CCDC91: variants seen among roughly 807,000 people sequenced by gnomAD.
CCDC91 encodes coiled-coil domain-containing protein 91.
Under a neutral mutation model 63.2 loss-of-function variants are expected in CCDC91, and 48 were observed. The observed-to-expected ratio is 0.76, with a 90% CI of 0.60 to 0.97. The LOEUF (loss-of-function observed/expected upper bound fraction) is 0.97. CCDC91 is among the 50% of genes least tolerant of loss of function. The probability of loss-of-function intolerance (pLI) is 0.00; values close to 1 mark genes in which losing one functional copy is unlikely to be tolerated. For synonymous variants in CCDC91, 167 were observed against 165.8 expected (o/e 1.01, Z -0.06); for missense variants, 500 against 494.6 (o/e 1.01, Z -0.10).
intron 6 of CCDC91, among the ~76,000 whole-genome samples, chr12:28,345,355 GCTT>G (rs1332577208): frequency 1.3e-5 from 2 of 151,976 alleles, no homozygotes; most frequent in African/African-American, 4.8e-5. Context: ...AGTAAGAGCT[GCTT>G]CTTAATAATC....
intron 3 of CCDC91, among the ~76,000 whole-genome samples, chr12:28,289,672 G>GTTCTT (rs1565739615): frequency 3.0e-5 from 4 of 131,546 alleles, no homozygotes; most frequent in African/African-American, 8.5e-5. Flanking sequence ...GGGGTGGAGA[G>GTTCTT]TTCTTTTCTT....
intron 6 of CCDC91, among the ~76,000 whole-genome samples, chr12:28,322,041 T>TC (rs1940557210): frequency 1.3e-5 from 2 of 151,812 alleles, no homozygotes; most frequent in Non-Finnish European, 2.9e-5. Flanking sequence ...ATACAAGCAT[T>TC]AGAAATGTTT....
intron 3 of CCDC91, among the ~76,000 whole-genome samples, chr12:28,304,387 AAAAAAAAAAAAAAAG>A (rs1938445581): frequency 2.9e-5 from 1 of 34,498 alleles, no homozygotes; most frequent in African/African-American, 7.1e-5. Context: ...AAAAAAAAAA[AAAAAAAAAAAAAAAG>A]AAAAAAAAAA....
intron 7 of CCDC91, among the ~76,000 whole-genome samples, chr12:28,370,601 C>A (rs758905019): frequency 6.6e-6 from 1 of 152,172 alleles, no homozygotes; most frequent in Non-Finnish European, 1.5e-5. Context: ...CAATTTGCTT[C>A]CACATTTTTA....
intron 7 of CCDC91, among the ~76,000 whole-genome samples, chr12:28,380,876 A>G (rs1366808900): frequency 6.6e-6 from 1 of 152,106 alleles, no homozygotes; most frequent in Non-Finnish European, 1.5e-5. Flanking sequence ...AGCACTACCT[A>G]ATTATACTGC....
chr12:28,267,299 T>C (rs1000307956), intron 3 of CCDC91, among the ~76,000 whole-genome samples: 1 of 151,846 alleles, frequency 6.6e-6, no homozygotes. Flanking sequence ...TTGCTTTTTT[T>C]TCCACAATAA....
chr12:28,514,590 A>G (rs1238004256), intron 12 of CCDC91, among the ~76,000 whole-genome samples: 1 of 151,876 alleles, frequency 6.6e-6, no homozygotes, highest in African/African-American at 2.4e-5. Flanking sequence ...GGTATTGCCT[A>G]GGTTATCTTC....
At chr12:28,398,452 T>A (rs1195050377) in intron 8 of CCDC91, among the ~76,000 whole-genome samples, 8 of 152,212 alleles carry the variant, frequency 5.3e-5, no homozygotes, top group African/African-American at 1.9e-4. Context: ...TTAGATTGCT[T>A]AAATTTGGGG....
intron 6 of CCDC91, among the ~76,000 whole-genome samples, chr12:28,355,777 G>A (rs567921327): frequency 6.6e-6 from 1 of 152,230 alleles, no homozygotes; most frequent in South Asian, 2.1e-4. Context: ...GTTTCTGATT[G>A]AGAGGATTCA....
intron 12 of CCDC91, among the ~76,000 whole-genome samples, chr12:28,509,459 A>G (rs1939124340): frequency 6.6e-6 from 1 of 151,890 alleles, no homozygotes; most frequent in Admixed American, 6.6e-5. Context: ...AGTATTATTT[A>G]TTATGTTTAA....
chr12:28,267,173 A>G (rs1384170769), intron 3 of CCDC91, among the ~76,000 whole-genome samples: 2 of 150,950 alleles, frequency 1.3e-5, no homozygotes, highest in African/African-American at 4.8e-5. Context: ...TTCTGATGCT[A>G]TAGTTTTATA....
intron 6 of CCDC91, among the ~76,000 whole-genome samples, chr12:28,328,168 C>T (rs1272120311): frequency 1.3e-5 from 2 of 152,146 alleles, no homozygotes; most frequent in Non-Finnish European, 2.9e-5. Flanking sequence ...TTGCCATCTA[C>T]CTTACATTAT....
At chr12:28,391,258 C>T in intron 7 of CCDC91, 46 bp from the exon 8 acceptor site, 1 of 1,145,696 alleles carries the variant, frequency 8.7e-7, no homozygotes, top group Non-Finnish European at 1.3e-6. Flanking sequence ...ACAGTAGATT[C>T]CCAAGTTTTG....
At chr12:28,308,446 A>C (rs564667843) in intron 6 of CCDC91, among the ~76,000 whole-genome samples, 8 of 151,906 alleles carry the variant, frequency 5.3e-5, no homozygotes, top group Non-Finnish European at 5.9e-5. Context: ...TCTGATTGAA[A>C]CTTAAAGCTA....
chr12:28,548,961 C>A (rs1943165027), intron 12 of CCDC91, 102 bp from the exon 13 acceptor site: 9 of 692,820 alleles, frequency 1.3e-5, no homozygotes, highest in Non-Finnish European at 2.3e-5. Context: ...ATTGTCTCAT[C>A]TGGAAAGTTT....
chr12:28,513,718 A>G (rs1939628541), intron 12 of CCDC91, among the ~76,000 whole-genome samples: 1 of 151,664 alleles, frequency 6.6e-6, no homozygotes, highest in African/African-American at 2.4e-5. Context: ...TTTGTATTTG[A>G]TTTTCTAATC....
chr12:28,311,177 T>G (rs890566013), intron 6 of CCDC91, among the ~76,000 whole-genome samples: 1 of 151,980 alleles, frequency 6.6e-6, no homozygotes, highest in African/African-American at 2.4e-5. Context: ...ACTGCCTTAC[T>G]CCTGAGATAA....
intron 12 of CCDC91, among the ~76,000 whole-genome samples, chr12:28,489,963 G>A (rs1321792324): frequency 6.6e-6 from 1 of 151,860 alleles, no homozygotes; most frequent in African/African-American, 2.4e-5. Flanking sequence ...TTGACTAGCT[G>A]ATCTCTAATG....
intron 6 of CCDC91, chr12:28,319,391 A>AC (rs1189205024): frequency 6.6e-6 from 1 of 151,944 alleles, no homozygotes; most frequent in Non-Finnish European, 1.5e-5. Context: ...TTTTAAGCAA[A>AC]CATCTATTCT....
Sources: allele counts gnomAD v4.1 joint callset (sites outside exome capture counted in the v4.1 genomes callset), GRCh38; gene constraint gnomAD v4.1.1; transcripts MANE v1.5; gene names NCBI Gene and HGNC (gene_info 2026-07-23, HGNC 2026-07-21).